SRGAP3: variants seen among roughly 807,000 people sequenced by gnomAD.
SRGAP3 encodes the protein SLIT-ROBO Rho GTPase-activating protein 3.
A neutral mutation model predicts 121.1 loss-of-function variants in SRGAP3; 39 were observed. That is an observed-to-expected ratio of 0.32 (90% CI 0.25 to 0.42). The LOEUF (loss-of-function observed/expected upper bound fraction) is 0.42. Ranked by LOEUF, SRGAP3 falls within the 10% of genes least tolerant of loss-of-function variation. SRGAP3 has a pLI of 1.00. For synonymous variants in SRGAP3, 601 were observed against 570.0 expected (o/e 1.05, Z -0.77); for missense variants, 1,213 against 1,470.6 (o/e 0.82, Z 2.86).
chr3:9,004,349 C>A (rs1413569863), intron 18 of SRGAP3, among the ~76,000 whole-genome samples: 2 of 152,208 alleles, frequency 1.3e-5, no homozygotes, highest in Non-Finnish European at 2.9e-5. Context: ...ATATTTCCAA[C>A]TGACCTATAG....
At chr3:9,014,102 A>T in intron 15 of SRGAP3, 2 of 524,600 alleles carry the variant, frequency 3.8e-6, no homozygotes, top group Non-Finnish European at 7.0e-6. Context: ...ACCCACAGGG[A>T]GATGCCCTCT....
At chr3:9,284,728 G>A (rs1308142183) in intron 3 of SRGAP3, among the ~76,000 whole-genome samples, 5 of 151,212 alleles carry the variant, frequency 3.3e-5, no homozygotes, top group Non-Finnish European at 5.9e-5. Flanking sequence ...AGCTACTCGG[G>A]AGACTGACAC....
At position 9,239,050 on chromosome 3, in the gene SRGAP3, A is replaced by C. The variant is rs1953527487; in HGVS notation, c.67+9835T>G. Among the ~76,000 whole-genome samples the C allele has an allele frequency of 6.6e-6, 1 of 152,120 alleles. No homozygotes were observed. The highest frequency in any genetic ancestry group is 2.1e-4 in the South Asian group (1 of 4,822). ...AGCACAACCCTGGAGGGAAACCCCA[A>C]ATTGACTTATACTTATTTCTGTCAC... On this transcript the variant is annotated intron_variant, in intron 1 of 21. Coordinates refer to ENST00000383836, the MANE Select transcript of SRGAP3 (RefSeq NM_014850.4). This position sits in a 1 kb window ranked among gnomAD's most constrained non-coding sequence, Gnocchi z 4.0.
intron 1 of SRGAP3, among the ~76,000 whole-genome samples, chr3:9,135,937 G>T (rs1231924301): frequency 6.6e-6 from 1 of 152,214 alleles, no homozygotes; most frequent in Non-Finnish European, 1.5e-5. Flanking sequence ...GTGAGGGGTG[G>T]TATGCGCGTG....
At chr3:9,025,214 C>G in intron 14 of SRGAP3, 47 bp downstream of exon 14, 4 of 1,600,440 alleles carry the variant, frequency 2.5e-6, no homozygotes, top group Non-Finnish European at 3.4e-6. Flanking sequence ...GAATATTCAC[C>G]CTGGCTTCCC....
At position 8,984,600 on chromosome 3, in the gene SRGAP3, C is replaced by T. The variant is rs1941581026; in HGVS notation, c.*919G>A. 3 of 232,822 alleles carry T rather than the reference C, an allele frequency of 1.3e-5. No individual in the cohort carries two copies. Among genetic ancestry groups the T allele is most frequent in the Middle Eastern group, 1.3e-3 (1 of 780 alleles). 14.4% of individuals were successfully genotyped at this position (232,822 alleles called of 1,614,324 possible). ...TGCTACGATGGGGCTTAGGTTCTCA[C>T]TATCCCCCGTCTCTACACACAAACA... is the stretch of plus-strand genomic sequence containing the variant. On this transcript the variant is annotated 3_prime_UTR_variant, in exon 22 of 22. Transcript: ENST00000383836.
chr3:9,185,521 C>A (rs1252242020), intron 1 of SRGAP3, among the ~76,000 whole-genome samples: 2 of 151,122 alleles, frequency 1.3e-5, no homozygotes, highest in African/African-American at 4.9e-5. Context: ...TCGTTTTTTT[C>A]TTTCCTTCCT....
chr3:9,037,703 G>A (rs1308006770), intron 11 of SRGAP3: 2 of 369,160 alleles, frequency 5.4e-6, no homozygotes, highest in African/African-American at 2.1e-5. Flanking sequence ...GTAGCAGGTG[G>A]GAAGAGAGGT....
chr3:9,222,607 A>C (rs1236070178), intron 1 of SRGAP3, among the ~76,000 whole-genome samples: 1 of 152,236 alleles, frequency 6.6e-6, no homozygotes, highest in Admixed American at 6.5e-5. Flanking sequence ...CTCAATTCAA[A>C]TTGCACTTTG....
At chr3:9,346,453 G>A (rs1413704692) in intron 1 of SRGAP3, among the ~76,000 whole-genome samples, 2 of 152,064 alleles carry the variant, frequency 1.3e-5, no homozygotes, top group African/African-American at 4.8e-5. Flanking sequence ...ATGCTATGAT[G>A]TTGCCATTTT....
In SRGAP3 at chr3:9,056,332, G is replaced by A; in HGVS notation, c.1026C>T (p.Val342=). ...FEFQPHMGDE[V]CQVSAQQPVQ... is the part of the protein sequence containing the mutation. ...CGGGCTGCTGAGCGCTGACCTGGCA[G>A]ACCTGCAGGAATAACAGCCACCATC... The change falls in exon 8 of 22, where the codon GTC becomes GTT. Residue 342 remains valine (V), a splice_region_variant and synonymous_variant. Transcript: ENST00000383836. 6.2e-7 allele frequency: 1 copy of A among 1,612,466 alleles called. No individual in the cohort carries two copies. The highest frequency in any genetic ancestry group is 8.5e-7 in the Non-Finnish European group (1 of 1,179,864).
chr3:9,050,319 G>A (rs1180219377), intron 9 of SRGAP3, among the ~76,000 whole-genome samples: 2 of 152,164 alleles, frequency 1.3e-5, no homozygotes, highest in East Asian at 3.9e-4. Context: ...TGTCCACCGT[G>A]TCTCACTGCT....
Position 8,981,536 on chromosome 3 carries a change from T to C in SRGAP3, c.*3983A>G, listed in dbSNP as rs571229311. ...CCATTAGCTGTGGACATGCACTGAATGCCACATCACGACCAGGTCACGAGA... is the reference window on the plus strand; with the variant it reads ...CCATTAGCTGTGGACATGCACTGAACGCCACATCACGACCAGGTCACGAGA... On this transcript the variant is annotated 3_prime_UTR_variant, in exon 22 of 22. Coordinates refer to ENST00000383836, the MANE Select transcript of SRGAP3 (RefSeq NM_014850.4). The C allele has an allele frequency of 1.3e-5, 3 of 232,850 alleles. No homozygotes were observed. The East Asian group carries it at 1.8e-4, about 14-fold the overall frequency. The allele number at this position is 232,850 out of a possible 1,614,324, so 14.4% of individuals were successfully genotyped here.
rs1261933210 is a variant in SRGAP3, at chr3:8,982,493, G to C, written c.*3026C>G. ...ACTAGGTGCAAAGATTTGGTGAGTGGCATTGGCTAAAATTTAATTGTAGCC... is the reference window on the plus strand; with the variant it reads ...ACTAGGTGCAAAGATTTGGTGAGTGCCATTGGCTAAAATTTAATTGTAGCC... On this transcript the variant is annotated 3_prime_UTR_variant, in exon 22 of 22. Coordinates refer to ENST00000383836, the MANE Select transcript of SRGAP3 (RefSeq NM_014850.4). 4.5e-6 allele frequency: 1 copy of C among 223,108 alleles called. No individual in the cohort carries two copies. The highest frequency in any genetic ancestry group is 9.0e-6 in the Non-Finnish European group (1 of 111,624). The allele number at this position is 223,108 out of a possible 1,614,324, so 13.8% of individuals were successfully genotyped here.
chr3:9,231,380 G>A (rs1206779087), intron 1 of SRGAP3, among the ~76,000 whole-genome samples: 3 of 152,208 alleles, frequency 2.0e-5, no homozygotes, highest in Non-Finnish European at 2.9e-5. Flanking sequence ...ATGGAAGGAT[G>A]CGGTTCTGTC....
intron 3 of SRGAP3, among the ~76,000 whole-genome samples, chr3:9,300,992 T>A (rs1955045417): frequency 6.6e-6 from 1 of 152,040 alleles, no homozygotes; most frequent in African/African-American, 2.4e-5. Context: ...CTCCCACCCC[T>A]CCCAGCTCAG....
chr3:9,208,400 C>G (rs868682131), intron 1 of SRGAP3, among the ~76,000 whole-genome samples: 3 of 152,182 alleles, frequency 2.0e-5, no homozygotes, highest in Admixed American at 6.5e-5. Flanking sequence ...GACCGAGATC[C>G]AACTGCCAAG....
chr3:9,055,588 T>A (rs989130112), intron 8 of SRGAP3, among the ~76,000 whole-genome samples: 2 of 152,270 alleles, frequency 1.3e-5, no homozygotes, highest in African/African-American at 4.8e-5. Context: ...AAGGCTGACC[T>A]GTTCCTTGGA....
intron 1 of SRGAP3, among the ~76,000 whole-genome samples, chr3:9,140,147 A>ACG (rs1197291056): frequency 6.6e-6 from 1 of 151,954 alleles, no homozygotes; most frequent in African/African-American, 2.4e-5. Context: ...ACACACACAC[A>ACG]CACATACATA....
Sources: allele counts gnomAD v4.1 joint callset (sites outside exome capture counted in the v4.1 genomes callset), GRCh38; gene constraint gnomAD v4.1.1; non-coding constraint Gnocchi (gnomAD v3.1); transcripts MANE v1.5; gene names NCBI Gene and HGNC (gene_info 2026-07-23, HGNC 2026-07-21).